The following CNTN6 variants were observed in gnomAD, a reference collection of about 807,000 sequenced individuals.
The protein encoded by CNTN6 is contactin 6, also known as contactin-6.
In CNTN6, 137 loss-of-function variants were observed where a neutral mutation model predicts 122.8. The observed-to-expected ratio is 1.12, with a 90% confidence interval of 0.97 to 1.29. The LOEUF is 1.29. CNTN6 is among the 50% of genes most tolerant of loss of function. The pLI is 0.00. For synonymous variants in CNTN6, 570 were observed against 426.0 expected (o/e 1.34, Z -4.16); for missense variants, 1,634 against 1,223.4 (o/e 1.34, Z -5.01).
intron 2 of CNTN6, among the ~76,000 whole-genome samples, chr3:1,174,033 C>T (rs1391917): frequency 0.52 from 79,295 of 151,924 alleles, 21,243 homozygotes; most frequent in East Asian, 0.7. Flanking sequence ...TAATAGAAAA[C>T]TCTACATTCA....
At chr3:1,108,041 C>T (rs1477510312) in intron 1 of CNTN6, among the ~76,000 whole-genome samples, 1 of 151,934 alleles carries the variant, frequency 6.6e-6, no homozygotes, top group Non-Finnish European at 1.5e-5. Context: ...GAAAATTACC[C>T]TAGACATAGA....
intron 4 of CNTN6, among the ~76,000 whole-genome samples, chr3:1,266,622 C>G (rs1333441334): frequency 6.6e-6 from 1 of 152,112 alleles, no homozygotes; most frequent in African/African-American, 2.4e-5. Flanking sequence ...CTGATTAAAC[C>G]ATCACAATGA....
At chr3:1,316,423 C>T (rs1700106843) in intron 7 of CNTN6, among the ~76,000 whole-genome samples, 1 of 151,718 alleles carries the variant, frequency 6.6e-6, no homozygotes, top group Non-Finnish European at 1.5e-5. Flanking sequence ...AGGGAAGGTG[C>T]TACACACCTT....
In CNTN6 at chr3:1,271,792, C is replaced by G. The variant is rs140003203; in HGVS notation, c.359-6621C>G. On this transcript the variant is annotated intron_variant, in intron 4 of 22. Coordinates refer to ENST00000446702, the MANE Select transcript of CNTN6 (RefSeq NM_001289080.2). ...AAGCATTAGGCTTTTGATGGTTTGA[C>G]CATGGAGTATTAGTTTATGTTAATT... Among the ~76,000 whole-genome samples, 105 of 152,160 alleles carry G rather than the reference C, an allele frequency of 6.9e-4. 1 individual carries two copies. The East Asian group carries it at 0.018, about 27-fold the overall frequency.
chr3:1,295,857 T>G lies in CNTN6; in HGVS notation c.658+53T>G, dbSNP rs1050301265. Reference sequence around the variant, plus strand: ...TACTTTATCTTTGGCCCTTAAAGCCTGGGAAGATTCGTAAAGCTTTCTGCT... The same window carrying G: ...TACTTTATCTTTGGCCCTTAAAGCCGGGGAAGATTCGTAAAGCTTTCTGCT... On this transcript the variant is annotated intron_variant, in intron 6 of 22. Coordinates refer to ENST00000446702, the MANE Select transcript of CNTN6 (RefSeq NM_001289080.2). The G allele has an allele frequency of 2.6e-6, 4 of 1,517,502 alleles. No homozygotes were observed. In the African/African-American group the frequency reaches 5.5e-5, roughly 21 times the overall value. The allele number at this position is 1,517,502 out of a possible 1,614,324, so 94.0% of individuals were successfully genotyped here. A position where few individuals can be genotyped will look rare whatever the true frequency, so the allele number is the denominator to read the frequency against.
intron 2 of CNTN6, among the ~76,000 whole-genome samples, chr3:1,184,218 T>C (rs982119230): frequency 1.3e-5 from 2 of 152,318 alleles, no homozygotes; most frequent in African/African-American, 4.8e-5. Context: ...GGGATATGAA[T>C]GCCACGAGGC....
At chr3:1,398,645 A>T (rs1169237226) in intron 20 of CNTN6, among the ~76,000 whole-genome samples, 4 of 152,108 alleles carry the variant, frequency 2.6e-5, no homozygotes, top group Non-Finnish European at 5.9e-5. Flanking sequence ...TTTTTAATAT[A>T]TACCACTAAC....
At chr3:1,103,252 A>G (rs2091045405) in intron 1 of CNTN6, among the ~76,000 whole-genome samples, 1 of 152,252 alleles carries the variant, frequency 6.6e-6, no homozygotes, top group Admixed American at 6.5e-5. Context: ...GTCAATTCCT[A>G]AACATGCTCA....
intron 2 of CNTN6, among the ~76,000 whole-genome samples, chr3:1,189,770 C>T (rs534709832): frequency 5.0e-4 from 76 of 152,208 alleles, no homozygotes; most frequent in Non-Finnish European, 6.6e-4. Context: ...TAATGTCTGC[C>T]AAACCCAAGG....
At chr3:1,200,327 C>A (rs1263945801) in intron 2 of CNTN6, among the ~76,000 whole-genome samples, 1 of 152,188 alleles carries the variant, frequency 6.6e-6, no homozygotes, top group African/African-American at 2.4e-5. Context: ...AGCCACCGTG[C>A]CTGGCTCAGC....
At chr3:1,255,967 C>T (rs1456721525) in intron 4 of CNTN6, among the ~76,000 whole-genome samples, 2 of 152,076 alleles carry the variant, frequency 1.3e-5, no homozygotes, top group African/African-American at 4.8e-5. Flanking sequence ...CACCTAAGCT[C>T]AAGAAATCCA....
chr3:1,331,484 C>G (rs780484239), intron 11 of CNTN6, among the ~76,000 whole-genome samples: 1 of 151,982 alleles, frequency 6.6e-6, no homozygotes, highest in African/African-American at 2.4e-5. Context: ...GTTGTCCTGA[C>G]TCAGGTTGGG....
chr3:1,386,764 C>G (rs548457458), intron 20 of CNTN6, among the ~76,000 whole-genome samples: 2 of 151,964 alleles, frequency 1.3e-5, no homozygotes, highest in African/African-American at 2.4e-5. Context: ...TTGAGAAAGA[C>G]TAAGACAAAT....
At chr3:1,298,110 G>A in intron 7 of CNTN6, 119 bp downstream of exon 7, 1 of 668,002 alleles carries the variant, frequency 1.5e-6, no homozygotes, top group East Asian at 2.8e-5. Flanking sequence ...CAAATGCTGG[G>A]CAACAGTGGA....
chr3:1,176,358 T>C (rs1181636838), intron 2 of CNTN6, among the ~76,000 whole-genome samples: 6 of 152,140 alleles, frequency 3.9e-5, no homozygotes, highest in Non-Finnish European at 8.8e-5. Flanking sequence ...CAGAAGTTGC[T>C]GTGGGCCAAG....
chr3:1,400,832 C>T (rs1429775735), intron 20 of CNTN6, among the ~76,000 whole-genome samples: 6 of 152,062 alleles, frequency 3.9e-5, no homozygotes, highest in Admixed American at 1.3e-4. Flanking sequence ...ATACAGCAGA[C>T]CCTGCTTCAA....
chr3:1,149,600 T>C (rs924331390), intron 2 of CNTN6, among the ~76,000 whole-genome samples: 1 of 152,160 alleles, frequency 6.6e-6, no homozygotes, highest in Admixed American at 6.6e-5. Flanking sequence ...GCCATAGTTA[T>C]ATTTACTCAA....
chr3:1,339,098 A>T (rs1448182990), intron 11 of CNTN6, among the ~76,000 whole-genome samples: 1 of 151,858 alleles, frequency 6.6e-6, no homozygotes. Context: ...GAATTTTTCA[A>T]TTTTTTCTTT....
chr3:1,283,381 G>A (rs748093975), intron 5 of CNTN6, among the ~76,000 whole-genome samples: 1 of 152,148 alleles, frequency 6.6e-6, no homozygotes, highest in Admixed American at 6.6e-5. Flanking sequence ...CCTCCAAAGT[G>A]AGCTTTTGTT....
Sources: allele counts gnomAD v4.1 joint callset (sites outside exome capture counted in the v4.1 genomes callset), GRCh38; gene constraint gnomAD v4.1.1; transcripts MANE v1.5; gene names NCBI Gene and HGNC (gene_info 2026-07-23, HGNC 2026-07-21).